MAGI2: variants seen among roughly 807,000 people sequenced by gnomAD.
The protein encoded by MAGI2 is membrane associated guanylate kinase, WW and PDZ domain containing 2.
MAGI2 carries 35 observed loss-of-function variants against 133.3 expected under a neutral mutation model. The ratio of observed to expected loss-of-function variants is 0.26; its 90% CI spans 0.20 to 0.35. The LOEUF is 0.35. MAGI2 is among the 10% of genes least tolerant of loss of function. MAGI2 has a pLI of 1.00. For missense variants in MAGI2, 1,636 were observed against 1,863.4 expected (o/e 0.88, Z 2.25); for synonymous variants, 729 against 710.6 (o/e 1.03, Z -0.41).
intron 3 of MAGI2, among the ~76,000 whole-genome samples, chr7:78,547,473 A>G (rs1798943950): frequency 6.6e-6 from 1 of 152,250 alleles, no homozygotes; most frequent in African/African-American, 2.4e-5. Flanking sequence ...GACTTTATAA[A>G]TGGTTATTTG....
intron 1 of MAGI2, among the ~76,000 whole-genome samples, chr7:79,315,948 G>C (rs941387938): frequency 3.3e-5 from 5 of 152,102 alleles, no homozygotes; most frequent in Non-Finnish European, 7.4e-5. Context: ...GCAGGTCAAG[G>C]CTGAGAAGCT....
At chr7:78,731,299 G>A (rs1821347603) in intron 2 of MAGI2, among the ~76,000 whole-genome samples, 1 of 152,086 alleles carries the variant, frequency 6.6e-6, no homozygotes, top group South Asian at 2.1e-4. Flanking sequence ...GAAAACCACT[G>A]CTATATCCTA....
chr7:79,453,315 G>T lies in MAGI2; in HGVS notation c.6C>A (p.Ser2=), dbSNP rs752135467. The T allele has an allele frequency of 5.0e-6, 8 of 1,608,074 alleles. No individual in the cohort carries two copies. The East Asian group carries it at 1.8e-4, about 36-fold the overall frequency. The stretch of plus-strand genomic sequence containing the variant: ...AGTGGCTTTTCTTTTTCAAGCTTTT[G>T]GACATGGCAGTGGGGCGAGTCGCCT... M[S]KSLKKKSHWT... The change falls in exon 1 of 22, where the codon TCC becomes TCA. Residue 2 remains serine, a synonymous_variant. Transcript: ENST00000354212.
intron 1 of MAGI2, among the ~76,000 whole-genome samples, chr7:79,168,897 T>TATATAG (rs1266387446): frequency 2.5e-3 from 20 of 7,874 alleles, no homozygotes; most frequent in African/African-American, 4.5e-3. Flanking sequence ...TAGATATATA[T>TATATAG]ATATATATAT....
At chr7:79,057,121 A>G (rs936758747) in intron 1 of MAGI2, among the ~76,000 whole-genome samples, 1 of 152,198 alleles carries the variant, frequency 6.6e-6, no homozygotes, top group East Asian at 1.9e-4. Context: ...TCTTGTAAAT[A>G]TCTGCCACTT....
At chr7:78,925,068 G>T (rs967656376) in intron 2 of MAGI2, among the ~76,000 whole-genome samples, 2 of 151,854 alleles carry the variant, frequency 1.3e-5, no homozygotes, top group Non-Finnish European at 2.9e-5. Context: ...GTGGCCAGGG[G>T]TCAAGTCTCA....
rs527808398 is a variant in MAGI2 at position 79,255,826 on chromosome 7, GA to G, written c.301+197193del. Among the ~76,000 whole-genome samples the G allele has an allele frequency of 3.9e-4, 58 of 149,772 alleles. No homozygotes were observed. In the South Asian group the frequency reaches 0.011, roughly 27 times the overall value. On this transcript the variant is annotated intron_variant, in intron 1 of 21. Coordinates refer to ENST00000354212, the MANE Select transcript of MAGI2 (RefSeq NM_012301.4). ...TGCTATCACCTAGACAATTCTAACT[GA>G]AAAAAAAATACTCATTATATGAAAT...
intron 9 of MAGI2, among the ~76,000 whole-genome samples, chr7:78,298,757 G>T (rs192639715): frequency 7.3e-5 from 11 of 150,530 alleles, no homozygotes; most frequent in Non-Finnish European, 2.9e-5. Context: ...CACTCACCTT[G>T]GCCTCCCAAA....
intron 1 of MAGI2, among the ~76,000 whole-genome samples, chr7:79,426,582 A>C (rs528540685): frequency 6.6e-6 from 1 of 152,250 alleles, no homozygotes; most frequent in African/African-American, 2.4e-5. Flanking sequence ...AGGTGTACTG[A>C]TTTGGGTAAG....
intron 2 of MAGI2, among the ~76,000 whole-genome samples, chr7:78,952,874 G>T (rs1451655725): frequency 6.6e-6 from 1 of 152,218 alleles, no homozygotes; most frequent in East Asian, 1.9e-4. Context: ...ATTGTACCTG[G>T]GTGTGAGTAG....
chr7:78,973,260 TG>T (rs1404604855), intron 2 of MAGI2, among the ~76,000 whole-genome samples: 1 of 151,952 alleles, frequency 6.6e-6, no homozygotes, highest in Non-Finnish European at 1.5e-5. Flanking sequence ...AACACAATTC[TG>T]TATGTCCTTC....
chr7:78,786,758 A>G lies in MAGI2; in HGVS notation c.419-159519T>C, dbSNP rs1461681095. 6.6e-5 allele frequency among the ~76,000 whole-genome samples: 10 copies of G among 152,128 alleles called. 1 individual carries two copies. Among genetic ancestry groups the G allele is most frequent in the African/African-American group, 2.4e-4 (10 of 41,404 alleles). ...TTTCTTTAGTGCTTATCAGTATCTG[A>G]CATACTGCTTACTACTACGTATTTC... On this transcript the variant is annotated intron_variant, in intron 2 of 21. Coordinates refer to ENST00000354212, the MANE Select transcript of MAGI2 (RefSeq NM_012301.4).
At chr7:78,546,099 T>A (rs1405112372) in intron 3 of MAGI2, among the ~76,000 whole-genome samples, 1 of 152,244 alleles carries the variant, frequency 6.6e-6, no homozygotes, top group Non-Finnish European at 1.5e-5. Flanking sequence ...GCTATATGTG[T>A]CAGTTTGGGC....
intron 2 of MAGI2, among the ~76,000 whole-genome samples, chr7:78,882,811 T>C (rs528049197): frequency 2.0e-5 from 3 of 152,176 alleles, no homozygotes; most frequent in Admixed American, 6.6e-5. Flanking sequence ...CCAACATCCC[T>C]TCATGATAGA....
chr7:78,647,203 G>T (rs564413090), intron 2 of MAGI2, among the ~76,000 whole-genome samples: 18 of 152,150 alleles, frequency 1.2e-4, no homozygotes, highest in African/African-American at 4.3e-4. Flanking sequence ...AGAGTGAACA[G>T]GCAAGTGAAC....
chr7:78,373,192 C>T (rs1794103147), intron 6 of MAGI2, among the ~76,000 whole-genome samples: 1 of 152,072 alleles, frequency 6.6e-6, no homozygotes, highest in Non-Finnish European at 1.5e-5. Flanking sequence ...AAGTAGCTGA[C>T]AAGTACCCTT....
At chr7:78,718,054 T>C (rs1189201725) in intron 2 of MAGI2, among the ~76,000 whole-genome samples, 1 of 152,188 alleles carries the variant, frequency 6.6e-6, no homozygotes, top group Non-Finnish European at 1.5e-5. Flanking sequence ...GTGGAACGCC[T>C]TGCTCATTTA....
At chr7:79,063,540 T>C (rs576865433) in intron 1 of MAGI2, among the ~76,000 whole-genome samples, 1 of 152,034 alleles carries the variant, frequency 6.6e-6, no homozygotes, top group African/African-American at 2.4e-5. Flanking sequence ...AGAGTGAATA[T>C]TAGAAAGCTT....
chr7:78,696,068 T>A (rs1297380227), intron 2 of MAGI2, among the ~76,000 whole-genome samples: 1 of 152,132 alleles, frequency 6.6e-6, no homozygotes, highest in Non-Finnish European at 1.5e-5. Flanking sequence ...CCTGAGTAGC[T>A]GGGACAACAG....
Sources: gnomAD v4.1 joint callset for allele counts (sites outside exome capture counted in the v4.1 genomes callset) on GRCh38, gnomAD v4.1.1 for gene constraint, MANE v1.5 for transcripts, NCBI Gene and HGNC (gene_info 2026-07-23, HGNC 2026-07-21) for gene names.